CPLANE1: variants seen among roughly 807,000 people sequenced by gnomAD.
CPLANE1 encodes the protein ciliogenesis and planar polarity effector complex subunit 1, also known as ciliogenesis and planar polarity effector 1.
Under a neutral mutation model 362.5 loss-of-function variants are expected in CPLANE1, and 263 were observed. That is an observed-to-expected ratio of 0.73 (90% CI 0.66 to 0.80). CPLANE1 has a LOEUF of 0.80. CPLANE1 is among the 30% of genes least tolerant of loss of function. The pLI is 0.00. For synonymous variants in CPLANE1, 1,212 were observed against 1,302.6 expected (o/e 0.93, Z 1.50); for missense variants, 3,461 against 3,793.4 (o/e 0.91, Z 2.30).
At chr5:37,082,516 C>T in the CPLANE1 span, among the ~76,000 whole-genome samples, 1 of 152,056 alleles carries the variant, frequency 6.6e-6, no homozygotes, top group African/African-American at 2.4e-5. Flanking sequence ...ACAGAGAGCC[C>T]AGATGTAAAC....
chr5:37,220,833 G>T (rs1024614954), intron 15 of CPLANE1, among the ~76,000 whole-genome samples: 2 of 152,124 alleles, frequency 1.3e-5, no homozygotes, highest in Admixed American at 1.3e-4. Context: ...TTTTTTAAAA[G>T]ACTAAAAATA....
At chr5:37,232,491 T>C (rs1005827660) in intron 8 of CPLANE1, among the ~76,000 whole-genome samples, 3 of 143,848 alleles carry the variant, frequency 2.1e-5, no homozygotes, top group African/African-American at 7.8e-5. Context: ...CACTCCCACC[T>C]GGACGACAGA....
chr5:37,147,514 T>A (rs1250789625), intron 43 of CPLANE1, among the ~76,000 whole-genome samples: 1 of 151,866 alleles, frequency 6.6e-6, no homozygotes, highest in Non-Finnish European at 1.5e-5. Context: ...TCAGCCTCAA[T>A]TACACATATT....
chr5:37,240,812 A>G (rs1364089076), intron 6 of CPLANE1, among the ~76,000 whole-genome samples: 1 of 152,242 alleles, frequency 6.6e-6, no homozygotes, highest in African/African-American at 2.4e-5. Context: ...CTGTTAGTAG[A>G]GCCATGTTTT....
intron 6 of CPLANE1, among the ~76,000 whole-genome samples, chr5:37,242,753 A>G (rs1179441619): frequency 6.6e-6 from 1 of 152,028 alleles, no homozygotes; most frequent in Non-Finnish European, 1.5e-5. Flanking sequence ...GGGGCCGGGT[A>G]TGATGCCTCA....
chr5:37,121,490 T>C (rs548661330), intron 49 of CPLANE1, 127 bp downstream of exon 49: 1 of 835,548 alleles, frequency 1.2e-6, no homozygotes, highest in South Asian at 1.8e-5. Flanking sequence ...GCTACTTTTT[T>C]CCTTTATCAT....
At chr5:37,242,616 T>C (rs1176660198) in intron 6 of CPLANE1, among the ~76,000 whole-genome samples, 1 of 152,066 alleles carries the variant, frequency 6.6e-6, no homozygotes, top group Non-Finnish European at 1.5e-5. Context: ...GATTAAACAT[T>C]TAGAAATAAG....
intron 43 of CPLANE1, among the ~76,000 whole-genome samples, chr5:37,145,905 C>T (rs1313938863): frequency 1.3e-5 from 2 of 152,094 alleles, no homozygotes; most frequent in African/African-American, 4.8e-5. Context: ...ACATGCTGGA[C>T]ACAAATACAA....
intron 25 of CPLANE1, 97 bp downstream of exon 25, chr5:37,184,691 A>C (rs1783518070): frequency 3.2e-6 from 3 of 942,682 alleles, no homozygotes; most frequent in Admixed American, 5.1e-5. Flanking sequence ...TAGCACAATC[A>C]GTGAGGGTTG....
At chr5:37,225,476 C>T (rs1235316156) in intron 12 of CPLANE1, among the ~76,000 whole-genome samples, 1 of 152,174 alleles carries the variant, frequency 6.6e-6, no homozygotes, top group Admixed American at 6.5e-5. Flanking sequence ...AAGTGATCCA[C>T]CCACCTCAGC....
At chr5:37,246,418 C>G in intron 2 of CPLANE1, 1 of 152,236 alleles carries the variant, frequency 6.6e-6, no homozygotes. Context: ...TGGGCTCAAG[C>G]GATCCTCTTG....
At chr5:37,181,179 T>C (rs2151116831) in intron 26 of CPLANE1, among the ~76,000 whole-genome samples, 174 bp from the exon 27 acceptor site, 1 of 152,328 alleles carries the variant, frequency 6.6e-6, no homozygotes, top group African/African-American at 2.4e-5. Context: ...ATCAAGTCTT[T>C]ATTCTAACTG....
At position 37,120,227 on chromosome 5, in the gene CPLANE1, G is replaced by A. The variant is rs1197722149; in HGVS notation, c.9299C>T (p.Pro3100Leu). Reference protein sequence around the residue: ...RKSFGQPQGSPWPHGTATFTI... With the variant: ...RKSFGQPQGSLWPHGTATFTI... ...GCTTTAAGTCTTACCATGTGGCCAA[G>A]GTGAGCCTTGAGGTTGCCCAAAAGA... Residue 3100 changes from proline (P) to leucine (L), a missense_variant, in exon 50 of 53, where the codon CCT becomes CTT. Around this residue, in one of 2 missense-constraint regions of CPLANE1, gnomAD observed 3,380 missense variants for 3,666.1 expected, o/e 0.92. Coordinates refer to ENST00000651892, the MANE Select transcript of CPLANE1 (RefSeq NM_001384732.1). 1.2e-6 allele frequency: 2 copies of A among 1,602,240 alleles called. No individual in the cohort carries two copies. The highest frequency in any genetic ancestry group is 1.1e-5 in the South Asian group (1 of 87,812).
chr5:37,173,826 T>C lies in CPLANE1; in HGVS notation c.6100A>G (p.Thr2034Ala), dbSNP rs1228475615. The C allele has an allele frequency of 1.9e-6, 3 of 1,614,102 alleles. No homozygotes were observed. Among genetic ancestry groups the C allele is most frequent in the African/African-American group, 2.7e-5 (2 of 74,924 alleles). ...TCCGAACAATCTGGTAACTGAGCCG[T>C]GAATTCATTTCTCTGGGTCTTCTGA... ...TPQKTQRNEFTAQLPDCSESV... is the reference protein window; with the variant it reads ...TPQKTQRNEFAAQLPDCSESV... The change falls in exon 32 of 53, where the codon ACG becomes GCG. Residue 2034 changes from threonine to alanine, a missense_variant. Thr to Ala is a moderately conservative substitution (Grantham distance 58, BLOSUM62 0). Coordinates refer to ENST00000651892, the MANE Select transcript of CPLANE1 (RefSeq NM_001384732.1).
the CPLANE1 span, among the ~76,000 whole-genome samples, chr5:37,097,588 T>C: frequency 1.3e-5 from 2 of 152,082 alleles, no homozygotes; most frequent in African/African-American, 4.8e-5. Flanking sequence ...CTGTCAAAAG[T>C]TAAAGGCAGA....
At chr5:37,230,010 C>T (rs748648627) in intron 9 of CPLANE1, among the ~76,000 whole-genome samples, 7 of 151,884 alleles carry the variant, frequency 4.6e-5, no homozygotes, top group Non-Finnish European at 1.0e-4. Flanking sequence ...AACCCCGTCT[C>T]TACTAAAAAT....
At chr5:37,140,251 C>G (rs941343869) in intron 44 of CPLANE1, 1 of 933,790 alleles carries the variant, frequency 1.1e-6, no homozygotes, top group Non-Finnish European at 1.3e-6. Flanking sequence ...AAAAATATTC[C>G]TTAAGATTTT....
Position 37,136,082 on chromosome 5 carries a change from T to A in CPLANE1, c.8792+2638A>T, listed in dbSNP as rs1767625885. On this transcript the variant is annotated intron_variant, in intron 46 of 52. Transcript: ENST00000651892. ...ATGTCCTTCCAACAGTCCCCCACGG[T>A]CTTAACTCATTCTAGCATTAACTCA... Among the ~76,000 whole-genome samples the A allele has an allele frequency of 2.0e-5, 3 of 152,056 alleles. No homozygotes were observed. The South Asian group carries it at 6.2e-4, about 32-fold the overall frequency.
At chr5:37,176,910 C>T (rs1018035190) in intron 30 of CPLANE1, among the ~76,000 whole-genome samples, 1 of 152,048 alleles carries the variant, frequency 6.6e-6, no homozygotes, top group Non-Finnish European at 1.5e-5. Context: ...AAGCGCCCGC[C>T]ACCACACCCA....
Sources: allele counts gnomAD v4.1 joint callset (sites outside exome capture counted in the v4.1 genomes callset), GRCh38; gene constraint gnomAD v4.1.1; regional missense constraint gnomAD v4.1.1; transcripts MANE v1.5; gene names NCBI Gene and HGNC (gene_info 2026-07-23, HGNC 2026-07-21).